Variants in RBM20 observed in about 807,000 individuals in gnomAD.
RBM20 encodes the protein RNA binding motif protein 20, also known as RNA-binding protein 20.
Under a neutral mutation model 110.1 loss-of-function variants are expected in RBM20, and 51 were observed. The observed-to-expected ratio is 0.46, with a 90% CI of 0.37 to 0.59. RBM20 has a LOEUF of 0.59. Ranked by LOEUF, RBM20 falls within the 20% of genes least tolerant of loss-of-function variation. RBM20 has a pLI of 0.00. For missense variants in RBM20, 1,512 were observed against 1,574.9 expected (o/e 0.96, Z 0.68); for synonymous variants, 589 against 618.2 (o/e 0.95, Z 0.70).
chr10:110,745,418 G>T (rs953379289), intron 1 of RBM20, among the ~76,000 whole-genome samples: 19 of 152,174 alleles, frequency 1.2e-4, no homozygotes, highest in Admixed American at 5.2e-4. Context: ...TCTGTGGCTG[G>T]CTGTCTGACA....
chr10:110,728,870 G>A (rs984699986), intron 1 of RBM20, among the ~76,000 whole-genome samples: 6 of 152,154 alleles, frequency 3.9e-5, no homozygotes, highest in Non-Finnish European at 8.8e-5. Flanking sequence ...CCCGCTGAGC[G>A]ATGCTGCTCT....
intron 11 of RBM20, among the ~76,000 whole-genome samples, chr10:110,823,167 A>C (rs1424813135): frequency 6.6e-6 from 1 of 151,576 alleles, no homozygotes; most frequent in Non-Finnish European, 1.5e-5. Flanking sequence ...AATGATACTG[A>C]GATGGGAGGC....
intron 1 of RBM20, among the ~76,000 whole-genome samples, chr10:110,762,355 A>G (rs1460397812): frequency 6.6e-6 from 1 of 152,210 alleles, no homozygotes; most frequent in African/African-American, 2.4e-5. Context: ...TAGGTACTCA[A>G]TACATGCCTA....
chr10:110,690,654 T>G (rs1862574698), intron 1 of RBM20, among the ~76,000 whole-genome samples: 2 of 152,236 alleles, frequency 1.3e-5, no homozygotes, highest in African/African-American at 4.8e-5. Context: ...TTGTCCTTTT[T>G]GTCTGGCTTA....
chr10:110,762,095 T>C (rs181783125), intron 1 of RBM20, among the ~76,000 whole-genome samples: 1 of 152,332 alleles, frequency 6.6e-6, no homozygotes, highest in East Asian at 1.9e-4. Flanking sequence ...TACAAAGTCT[T>C]TGGAATCCAA....
Position 110,838,274 on chromosome 10 carries a change from A to C in RBM20, c.*2296A>C, listed in dbSNP as rs981333913. 2 of 152,202 alleles carry C rather than the reference A, an allele frequency of 1.3e-5. No homozygotes were observed. The highest frequency in any genetic ancestry group is 2.9e-5 in the Non-Finnish European group (2 of 68,046). 9.4% of individuals were successfully genotyped at this position (152,202 alleles called of 1,614,324 possible). On this transcript the variant is annotated 3_prime_UTR_variant, in exon 14 of 14. Transcript: ENST00000369519. ...AAAGGCCAACTAAGATCTTCAAAGT[A>C]AATTTGTTGTAATTTTATCTTTTGA... is the stretch of plus-strand genomic sequence containing the variant.
intron 10 of RBM20, among the ~76,000 whole-genome samples, chr10:110,820,707 C>A (rs566760763): frequency 1.3e-5 from 2 of 152,332 alleles, no homozygotes; most frequent in South Asian, 2.1e-4. Flanking sequence ...CGTGCCTTTC[C>A]GGTCAGGAGA....
At chr10:110,771,200 A>G (rs6585009) in intron 1 of RBM20, among the ~76,000 whole-genome samples, 62,044 of 151,820 alleles carry the variant, frequency 0.41, 12,834 homozygotes, top group South Asian at 0.46. Flanking sequence ...TCTGTTGCCC[A>G]GGCTGGAGTG....
At chr10:110,765,560 T>C (rs762590675) in intron 1 of RBM20, among the ~76,000 whole-genome samples, 12 of 152,130 alleles carry the variant, frequency 7.9e-5, no homozygotes, top group South Asian at 2.1e-4. Flanking sequence ...TGTTGTGCGG[T>C]TCAGGGTACA....
chr10:110,783,267 C>A, intron 2 of RBM20, 99 bp from the exon 3 acceptor site: 3 of 864,860 alleles, frequency 3.5e-6, no homozygotes, highest in Non-Finnish European at 5.7e-6. Context: ...AGCCTCTGGG[C>A]GCTCTGTGCT....
intron 1 of RBM20, among the ~76,000 whole-genome samples, chr10:110,660,006 C>T (rs1386941032): frequency 6.6e-6 from 1 of 151,686 alleles, no homozygotes; most frequent in Admixed American, 6.6e-5. Flanking sequence ...TTTGTAGAGT[C>T]CGGTTTTCAC....
In RBM20 at chr10:110,812,951, A is replaced by G; in HGVS notation, c.2550+4A>G. The G allele has an allele frequency of 6.9e-7, 1 of 1,444,886 alleles. No homozygotes were observed. The highest frequency in any genetic ancestry group is 9.1e-7 in the Non-Finnish European group (1 of 1,095,596). 89.5% of individuals were successfully genotyped at this position (1,444,886 alleles called of 1,614,324 possible). ...AAACACAATGGCAGAGAATGAGGTA[A>G]TGATCAATTTCTTCCCCAGGTAAGG... is the stretch of plus-strand genomic sequence containing the variant. On this transcript the variant is annotated splice_donor_region_variant and intron_variant, in intron 9 of 13. Transcript: ENST00000369519.
rs1249673177 is a variant in RBM20 at position 110,821,607 on chromosome 10, C to A, written c.2988C>A (p.Asp996Glu). Residue 996 changes from aspartate to glutamate, a missense_variant, in exon 11 of 14, where the codon GAC becomes GAA. Asp to Glu is a conservative substitution (Grantham distance 45). Around this residue, in one of 3 missense-constraint regions of RBM20, gnomAD observed 358 missense variants for 384.2 expected, o/e 0.93. Transcript: ENST00000369519. ...SASTSCPSDM[D>E]VEMPGLNLDA... ...CCACAAGCTGTCCCAGTGACATGGA[C>A]GTGGAAATGCCTGGCCTAAATCTGG... 6.4e-7 allele frequency: 1 copy of A among 1,551,280 alleles called. No homozygotes were observed. The highest frequency in any genetic ancestry group is 2.4e-5 in the East Asian group (1 of 40,914).
At chr10:110,686,600 A>C (rs1471163362) in intron 1 of RBM20, among the ~76,000 whole-genome samples, 1 of 152,066 alleles carries the variant, frequency 6.6e-6, no homozygotes, top group Non-Finnish European at 1.5e-5. Flanking sequence ...CATCCAGCCT[A>C]GGTGATGGAG....
Position 110,781,789 on chromosome 10 carries a change from C to T in RBM20, c.1180C>T (p.Leu394=), listed in dbSNP as rs1471409886. 5 of 1,551,690 alleles carry T rather than the reference C, an allele frequency of 3.2e-6. No individual in the cohort carries two copies. In the Admixed American group the frequency reaches 7.8e-5, roughly 24 times the overall value. ...EDQALLSVRP[L]QAHELNDFHG... is the part of the protein sequence containing the mutation. ...CCAGGCGTTGCTATCTGTGCGGCCC[C>T]TGCAGGCTCATGAGCTGAACGACTT... The change falls in exon 2 of 14, where the codon CTG becomes TTG. Residue 394 remains leucine, a synonymous_variant. Coordinates refer to ENST00000369519, the MANE Select transcript of RBM20 (RefSeq NM_001134363.3).
At chr10:110,832,545 A>G (rs946814953) in intron 13 of RBM20, among the ~76,000 whole-genome samples, 1 of 152,196 alleles carries the variant, frequency 6.6e-6, no homozygotes, top group East Asian at 1.9e-4. Context: ...TTAAAAAAAA[A>G]ACAAACTCAG....
rs76524903 is a variant in RBM20 at position 110,794,484 on chromosome 10, C to T, written c.1528-3024C>T. ...TTTCATGGCTCACTTAGAAAATAATCTGCTGAAGTAAATGGTTTAACTGAA... is the reference window on the plus strand; with the variant it reads ...TTTCATGGCTCACTTAGAAAATAATTTGCTGAAGTAAATGGTTTAACTGAA... On this transcript the variant is annotated intron_variant, in intron 5 of 13. Coordinates refer to ENST00000369519, the MANE Select transcript of RBM20 (RefSeq NM_001134363.3). Among the ~76,000 whole-genome samples, 588 of 152,336 alleles carry T rather than the reference C, an allele frequency of 3.9e-3. 4 individuals are homozygous for T. The highest frequency in any genetic ancestry group is 0.024 in the East Asian group (123 of 5,192).
chr10:110,807,035 GA>G (rs1276293670), intron 7 of RBM20, among the ~76,000 whole-genome samples: 6 of 152,214 alleles, frequency 3.9e-5, no homozygotes, highest in African/African-American at 1.4e-4. Context: ...TAAAATAGCA[GA>G]ACTGATGCTC....
rs187948910 is a variant in RBM20, at chr10:110,739,613, C to T, written c.192-41188C>T. ...AGAAAGAACTCAACTCGAGGACTGA[C>T]GTGGTGGTGGAAGGCAGAGTGGCAG... On this transcript the variant is annotated intron_variant, in intron 1 of 13. Transcript: ENST00000369519. This position sits in a 1 kb window ranked among gnomAD's most constrained non-coding sequence, Gnocchi z 4.1. Among the ~76,000 whole-genome samples, 212 of 152,242 alleles carry T rather than the reference C, an allele frequency of 1.4e-3. 1 individual carries two copies. In the Middle Eastern group the frequency reaches 0.017, roughly 12 times the overall value.
Sources: gnomAD v4.1 joint callset for allele counts (sites outside exome capture counted in the v4.1 genomes callset) on GRCh38, gnomAD v4.1.1 for gene constraint, gnomAD v4.1.1 regional missense constraint, Gnocchi (gnomAD v3.1) non-coding constraint, MANE v1.5 for transcripts, NCBI Gene and HGNC (gene_info 2026-07-23, HGNC 2026-07-21) for gene names.